Variants in MTCH1 observed in about 807,000 individuals in gnomAD.
MTCH1 encodes mitochondrial carrier homolog 1.
Under a neutral mutation model 49.3 loss-of-function variants are expected in MTCH1, and 23 were observed. The ratio of observed to expected loss-of-function variants is 0.47; its 90% CI spans 0.34 to 0.66. The LOEUF (loss-of-function observed/expected upper bound fraction) is 0.66, where lower values mean the gene tolerates loss of function less well. Ranked by LOEUF, MTCH1 falls within the 30% of genes least tolerant of loss-of-function variation. The pLI, the probability that MTCH1 is intolerant of heterozygous loss-of-function variation, is 0.01. For synonymous variants in MTCH1, 229 were observed against 215.2 expected (o/e 1.06, Z -0.56); for missense variants, 397 against 532.1 (o/e 0.75, Z 2.50).
chr6:36,969,898 A>C (rs1763612626), intron 11 of MTCH1, 141 bp downstream of exon 11: 1 of 1,548,026 alleles, frequency 6.5e-7, no homozygotes. Context: ...TAAATGCCTT[A>C]TAGATACCAA....
At chr6:36,985,098 C>G (rs1299313423) in intron 1 of MTCH1, among the ~76,000 whole-genome samples, 2 of 151,044 alleles carry the variant, frequency 1.3e-5, no homozygotes, top group East Asian at 3.9e-4. Context: ...TACGCGTCAC[C>G]CTGTCCCCTC....
Position 36,968,798 on chromosome 6 carries a change from C to T in MTCH1, c.*105G>A. 1 of 1,540,068 alleles carries T rather than the reference C, an allele frequency of 6.5e-7. No individual in the cohort carries two copies. The highest frequency in any genetic ancestry group is 8.9e-7 in the Non-Finnish European group (1 of 1,119,592). On this transcript the variant is annotated 3_prime_UTR_variant, in exon 12 of 12. Transcript: ENST00000373627. ...GAACTGAAGCCCGGCTGGGCTGGAG[C>T]ACATCTGGTTGTTGTTGGGTTGGAG...
chr6:36,975,454 C>G (rs985763983), intron 7 of MTCH1, among the ~76,000 whole-genome samples: 1 of 152,244 alleles, frequency 6.6e-6, no homozygotes, highest in African/African-American at 2.4e-5. Context: ...ACACACAGTT[C>G]CACTTTTACA....
At chr6:36,975,586 TGA>T in intron 7 of MTCH1, 70 bp downstream of exon 7, 1 of 1,468,510 alleles carries the variant, frequency 6.8e-7, no homozygotes, top group Non-Finnish European at 9.5e-7. Flanking sequence ...AGCTGCGGTC[TGA>T]GAGGTTGAGG....
chr6:36,981,318 T>C (rs76040364), intron 2 of MTCH1, among the ~76,000 whole-genome samples: 2,652 of 152,206 alleles, frequency 0.017, 81 homozygotes, highest in African/African-American at 0.061. Context: ...CTAGATTGGC[T>C]CCTCTCTCAG....
In MTCH1 at chr6:36,978,544, G is replaced by C. The variant is rs552279117; in HGVS notation, c.474C>G (p.Ser158=). ...LFRGLSPRLM[S]NALSTVTRGS... ...CCCGAGTCACAGTAGAGAGGGCGTTGGACATCAGCCGGGGACTCAGGCCTC... is the reference window on the plus strand; with the variant it reads ...CCCGAGTCACAGTAGAGAGGGCGTTCGACATCAGCCGGGGACTCAGGCCTC... Residue 158 remains serine, a synonymous_variant, in exon 3 of 12, where the codon TCC becomes TCG. Coordinates refer to ENST00000373627, the MANE Select transcript of MTCH1 (RefSeq NM_001271641.2). 154 of 1,614,134 alleles carry C rather than the reference G, an allele frequency of 9.5e-5. 1 individual carries two copies. In the South Asian group the frequency reaches 1.5e-3, roughly 16 times the overall value.
At chr6:36,985,824 A>T in intron 1 of MTCH1, 29 bp downstream of exon 1, 4 of 1,489,220 alleles carry the variant, frequency 2.7e-6, no homozygotes, top group Non-Finnish European at 3.6e-6. Context: ...TCAGCCTCCC[A>T]TCTCCCTACG....
chr6:36,979,058 C>G (rs1168918672), intron 2 of MTCH1, among the ~76,000 whole-genome samples: 1 of 152,080 alleles, frequency 6.6e-6, no homozygotes, highest in Non-Finnish European at 1.5e-5. Flanking sequence ...ATGATGAAGT[C>G]TTCAACCTAA....
chr6:36,981,632 A>C lies in MTCH1; in HGVS notation c.362T>G (p.Val121Gly). 1.2e-6 allele frequency: 2 copies of C among 1,613,912 alleles called. No homozygotes were observed. Among genetic ancestry groups the C allele is most frequent in the Non-Finnish European group, 1.7e-6 (2 of 1,179,928 alleles). Residue 121 changes from valine (V) to glycine (G), a missense_variant, in exon 2 of 12, where the codon GTG becomes GGG. Physicochemically the swap from Val to Gly is moderately radical, Grantham distance 109. Transcript: ENST00000373627. The stretch of plus-strand genomic sequence containing the variant: ...CAGATAGAGGACCTTCCTCCCCAGC[A>C]CATTGGTCCCAAGGGTGGGGGGCAT... ...EPMPPTLGTN[V>G]LGRKVLYLPS...
chr6:36,977,541 G>T lies in MTCH1; in HGVS notation c.649+93C>A. 1 of 858,302 alleles carries T rather than the reference G, an allele frequency of 1.2e-6. No homozygotes were observed. Among genetic ancestry groups the T allele is most frequent in the Non-Finnish European group, 1.9e-6 (1 of 533,878 alleles). 53.2% of individuals were successfully genotyped at this position (858,302 alleles called of 1,614,324 possible). A position where few individuals can be genotyped will look rare whatever the true frequency, so the allele number is the denominator to read the frequency against. On this transcript the variant is annotated intron_variant, in intron 5 of 11. Transcript: ENST00000373627. This position sits in a 1 kb window ranked among gnomAD's most constrained non-coding sequence, Gnocchi z 5.4. Reference sequence around the variant, plus strand: ...CACTACCACTTCCCAACAGGTCTACGGCTGTCTATGTACAGTCCACGAGGG... The same window carrying T: ...CACTACCACTTCCCAACAGGTCTACTGCTGTCTATGTACAGTCCACGAGGG...
In MTCH1 at chr6:36,977,256, G is replaced by GAA. The variant is rs60237181; in HGVS notation, c.650-8_650-7dup. The GAA allele has an allele frequency of 9.9e-6, 16 of 1,612,662 alleles. No homozygotes were observed. Among genetic ancestry groups the GAA allele is most frequent in the Non-Finnish European group, 1.3e-5 (15 of 1,179,158 alleles). On this transcript the variant is annotated splice_region_variant and splice_polypyrimidine_tract_variant and intron_variant, in intron 5 of 11. Transcript: ENST00000373627. This position sits in a 1 kb window ranked among gnomAD's most constrained non-coding sequence, Gnocchi z 5.4. Reference sequence around the variant, plus strand: ...CATGCAGCGCATTGAGATGACTGAGGAAAAAAAAGAAAACACACACAGGTG... The same window carrying GAA: ...CATGCAGCGCATTGAGATGACTGAGGAAAAAAAAAAGAAAACACACACAGGTG...
rs1471396852 is a variant in MTCH1 at position 36,978,045 on chromosome 6, C to T, written c.591+33G>A. The T allele has an allele frequency of 7.7e-6, 12 of 1,564,336 alleles. No individual in the cohort carries two copies. The East Asian group carries it at 1.1e-4, about 15-fold the overall frequency. ...TGAGAAATCATCAGGCTCCCCTCCA[C>T]GCACCTCTCCCTCTCCAACTCTCAA... On this transcript the variant is annotated intron_variant, in intron 4 of 11. Transcript: ENST00000373627.
At chr6:36,985,763 G>T in intron 1 of MTCH1, 90 bp downstream of exon 1, 2 of 782,764 alleles carry the variant, frequency 2.6e-6, no homozygotes, top group Non-Finnish European at 3.3e-6. Flanking sequence ...CAAATCCGTC[G>T]CCATTGACTG....
In MTCH1 at chr6:36,970,663, G is replaced by T; in HGVS notation, c.938C>A (p.Thr313Asn). The change falls in exon 9 of 12, where the codon ACC becomes AAC. Residue 313 changes from threonine (T) to asparagine (N), a missense_variant. Thr to Asn is a moderately conservative substitution (Grantham distance 65). This residue lies in a region of MTCH1 where 252 missense variants were observed against 388.3 expected (regional missense o/e 0.65). Coordinates refer to ENST00000373627, the MANE Select transcript of MTCH1 (RefSeq NM_001271641.2). The stretch of plus-strand genomic sequence containing the variant: ...ACAACTTACCCCCATCACGAACTTG[G>T]TATAGCTCCGGATGGCCAGGGCCTG... ...FSQALAIRSY[T>N]KFVMGIAVSM... 1 of 1,614,192 alleles carries T rather than the reference G, an allele frequency of 6.2e-7. No homozygotes were observed. The highest frequency in any genetic ancestry group is 8.5e-7 in the Non-Finnish European group (1 of 1,180,044).
At chr6:36,976,445 A>G (rs966576950) in intron 6 of MTCH1, 9 of 442,878 alleles carry the variant, frequency 2.0e-5, no homozygotes, top group Non-Finnish European at 3.8e-5. Flanking sequence ...GCCCGGCCCC[A>G]CCACTCAGAA....
In MTCH1 at chr6:36,978,663, A is replaced by T. The variant is rs1763979930; in HGVS notation, c.407-52T>A. ...AGTCACACCCAGTTCAGGGGCACCC[A>T]CTCCTGGGTCACACACACCCAGACC... On this transcript the variant is annotated intron_variant, in intron 2 of 11. Transcript: ENST00000373627. 2.6e-6 allele frequency: 4 copies of T among 1,527,622 alleles called. No homozygotes were observed. In the East Asian group the frequency reaches 9.1e-5, roughly 35 times the overall value. The allele number at this position is 1,527,622 out of a possible 1,614,324, so 94.6% of individuals were successfully genotyped here.
At chr6:36,973,724 G>A (rs1391283568) in intron 7 of MTCH1, among the ~76,000 whole-genome samples, 4 of 152,330 alleles carry the variant, frequency 2.6e-5, no homozygotes, top group Non-Finnish European at 4.4e-5. Flanking sequence ...TCTGTTGTGC[G>A]GGAATCCTAT....
chr6:36,978,155 C>A lies in MTCH1; in HGVS notation c.514G>T (p.Val172Phe), dbSNP rs1325426533. 2 of 1,611,796 alleles carry A rather than the reference C, an allele frequency of 1.2e-6. No individual in the cohort carries two copies. Among genetic ancestry groups the A allele is most frequent in the Non-Finnish European group, 1.7e-6 (2 of 1,177,926 alleles). ...STVTRGSMKK[V>F]FPPDEIEQVS... ...TGCTCAATCTCATCTGGAGGGAAAACCTGAAACAGAGAAGGGAAAGAACCA... is the reference window on the plus strand; with the variant it reads ...TGCTCAATCTCATCTGGAGGGAAAAACTGAAACAGAGAAGGGAAAGAACCA... The change falls in exon 4 of 12, where the codon GTT (valine) becomes TTT (phenylalanine). Residue 172 changes from valine (V) to phenylalanine (F), a missense_variant and splice_region_variant. Physicochemically the swap from Val to Phe is conservative, Grantham distance 50. Around this residue, in one of 2 missense-constraint regions of MTCH1, gnomAD observed 252 missense variants for 388.3 expected, o/e 0.65. Coordinates refer to ENST00000373627, the MANE Select transcript of MTCH1 (RefSeq NM_001271641.2).
At chr6:36,973,589 G>A (rs944302901) in intron 7 of MTCH1, among the ~76,000 whole-genome samples, 2 of 152,184 alleles carry the variant, frequency 1.3e-5, no homozygotes, top group Admixed American at 6.5e-5. Flanking sequence ...TTCTAATCTT[G>A]TCGTCCCTGC....
Sources: gnomAD v4.1 joint callset for allele counts (sites outside exome capture counted in the v4.1 genomes callset) on GRCh38, gnomAD v4.1.1 for gene constraint, gnomAD v4.1.1 regional missense constraint, Gnocchi (gnomAD v3.1) non-coding constraint, MANE v1.5 for transcripts, NCBI Gene and HGNC (gene_info 2026-07-23, HGNC 2026-07-21) for gene names.